GLIS3: variants seen among roughly 807,000 people sequenced by gnomAD.
GLIS3 encodes zinc finger protein GLIS3.
GLIS3 carries 53 observed loss-of-function variants against 78.6 expected under a neutral mutation model. That is an observed-to-expected ratio of 0.67 (90% confidence interval 0.54 to 0.85). GLIS3 has a LOEUF of 0.85. GLIS3 is among the 40% of genes least tolerant of loss of function. The pLI is 0.00. For synonymous variants in GLIS3, 684 were observed against 509.9 expected, an observed-to-expected ratio of 1.34 and a Z score of -4.60; for missense variants, 1,703 against 1,231.1, an observed-to-expected ratio of 1.38 and a Z score of -5.74.
intron 2 of GLIS3, among the ~76,000 whole-genome samples, chr9:4,346,283 T>C (rs989630977): frequency 2.0e-5 from 3 of 152,210 alleles, no homozygotes; most frequent in African/African-American, 7.2e-5. Context: ...CCTTTCTCTC[T>C]TGATGCAGCC....
chr9:4,023,477 T>C (rs1354682846), intron 4 of GLIS3, among the ~76,000 whole-genome samples: 1 of 152,186 alleles, frequency 6.6e-6, no homozygotes, highest in African/African-American at 2.4e-5. Flanking sequence ...CCTAAACATA[T>C]AAAGATTGCC....
At chr9:4,433,569 G>C in the GLIS3 span, among the ~76,000 whole-genome samples, 3 of 151,958 alleles carry the variant, frequency 2.0e-5, no homozygotes, top group African/African-American at 7.2e-5. Flanking sequence ...TCCGTTTTTT[G>C]CCAACTCATT....
At chr9:4,413,237 G>C in the GLIS3 span, among the ~76,000 whole-genome samples, 1 of 152,156 alleles carries the variant, frequency 6.6e-6, no homozygotes, top group Non-Finnish European at 1.5e-5. Context: ...TCCCAAATCA[G>C]GGTTGTTGGG....
intron 4 of GLIS3, among the ~76,000 whole-genome samples, chr9:3,937,588 C>T (rs1219310959): frequency 6.6e-6 from 1 of 151,672 alleles, no homozygotes; most frequent in Non-Finnish European, 1.5e-5. Flanking sequence ...TTTCTGACAA[C>T]TAATAAACTA....
chr9:4,109,373 G>T (rs1027448405), intron 4 of GLIS3, among the ~76,000 whole-genome samples: 1 of 152,138 alleles, frequency 6.6e-6, no homozygotes, highest in South Asian at 2.1e-4. Flanking sequence ...AAATAACTTT[G>T]GTCTCTAGTC....
chr9:4,237,515 T>C (rs1419909156), intron 2 of GLIS3, among the ~76,000 whole-genome samples: 1 of 152,242 alleles, frequency 6.6e-6, no homozygotes, highest in African/African-American at 2.4e-5. Context: ...CCCTAGGGCA[T>C]GGCTGAAAAT....
At chr9:3,888,170 C>T (rs1001049080) in intron 7 of GLIS3, among the ~76,000 whole-genome samples, 1 of 152,138 alleles carries the variant, frequency 6.6e-6, no homozygotes, top group African/African-American at 2.4e-5. Context: ...CCAATCACTC[C>T]TGGAAGTTCT....
At chr9:3,978,884 A>C (rs891384540) in intron 4 of GLIS3, among the ~76,000 whole-genome samples, 26 of 152,344 alleles carry the variant, frequency 1.7e-4, no homozygotes, top group African/African-American at 6.3e-4. Flanking sequence ...TTTTTTAAAA[A>C]TACAACGATA....
intron 4 of GLIS3, among the ~76,000 whole-genome samples, chr9:4,105,117 A>G (rs1444957919): frequency 6.6e-6 from 1 of 152,200 alleles, no homozygotes; most frequent in African/African-American, 2.4e-5. Flanking sequence ...CCTTATGAAG[A>G]CAATTTTATT....
At chr9:4,210,988 A>C (rs1381726206) in intron 2 of GLIS3, among the ~76,000 whole-genome samples, 1 of 152,160 alleles carries the variant, frequency 6.6e-6, no homozygotes, top group Non-Finnish European at 1.5e-5. Flanking sequence ...ATAAATTTGG[A>C]ATCTGTACCA....
At chr9:4,213,340 C>A (rs1291928709) in intron 2 of GLIS3, among the ~76,000 whole-genome samples, 1 of 152,138 alleles carries the variant, frequency 6.6e-6, no homozygotes, top group Non-Finnish European at 1.5e-5. Context: ...CCTAGATGCT[C>A]CCTTTAAAAC....
chr9:3,956,127 T>C (rs992921442), intron 4 of GLIS3, among the ~76,000 whole-genome samples: 2 of 152,072 alleles, frequency 1.3e-5, no homozygotes, highest in Admixed American at 1.3e-4. Context: ...CTCTTCTGGT[T>C]ACATTACCTA....
At chr9:4,429,252 A>T in the GLIS3 span, among the ~76,000 whole-genome samples, 1 of 152,110 alleles carries the variant, frequency 6.6e-6, no homozygotes, top group Non-Finnish European at 1.5e-5. Flanking sequence ...TATTCTTAAG[A>T]TGATAAAGTT....
intron 2 of GLIS3, among the ~76,000 whole-genome samples, chr9:4,274,200 C>A (rs955979187): frequency 6.6e-6 from 1 of 152,212 alleles, no homozygotes; most frequent in Non-Finnish European, 1.5e-5. Flanking sequence ...TGTTTCCCTA[C>A]AGCAATGCTT....
intron 4 of GLIS3, among the ~76,000 whole-genome samples, chr9:4,032,877 A>G (rs7044053): frequency 0.38 from 56,819 of 151,094 alleles, 10,877 homozygotes; most frequent in South Asian, 0.42. Context: ...TTCCTGAGAC[A>G]GAGTCTCGCT....
intron 2 of GLIS3, among the ~76,000 whole-genome samples, chr9:4,219,664 C>G (rs1292574828): frequency 6.6e-6 from 1 of 152,184 alleles, no homozygotes; most frequent in Non-Finnish European, 1.5e-5. Flanking sequence ...AAGGCGGTCA[C>G]TATTCTGAGC....
chr9:4,359,054 A>C, the GLIS3 span, among the ~76,000 whole-genome samples: 1 of 152,126 alleles, frequency 6.6e-6, no homozygotes, highest in Non-Finnish European at 1.5e-5. Flanking sequence ...AAGTTTCCTG[A>C]AAGGGAGGTT....
rs541063343 is a variant in GLIS3, at chr9:4,285,729, T to C, written c.388+309A>G. 4.7e-5 allele frequency: 18 copies of C among 384,106 alleles called. No individual in the cohort carries two copies. In the East Asian group the frequency reaches 8.9e-4, roughly 19 times the overall value. The allele number at this position is 384,106 out of a possible 1,614,324, so 23.8% of individuals were successfully genotyped here. A position where few individuals can be genotyped will look rare whatever the true frequency, so the allele number is the denominator to read the frequency against. ...TACCTGTATCCGGAGGGCATGATCT[T>C]GCTAACCTAGCTCTTACCCTTCCAC... On this transcript the variant is annotated intron_variant, in intron 2 of 10. Transcript: ENST00000381971.
At chr9:4,206,798 C>G (rs1480365450) in intron 2 of GLIS3, among the ~76,000 whole-genome samples, 1 of 151,766 alleles carries the variant, frequency 6.6e-6, no homozygotes, top group African/African-American at 2.4e-5. Flanking sequence ...AACTGTTTAA[C>G]TGTTTATTGA....
Sources: allele counts gnomAD v4.1 joint callset (sites outside exome capture counted in the v4.1 genomes callset), GRCh38; gene constraint gnomAD v4.1.1; transcripts MANE v1.5; gene names NCBI Gene and HGNC (gene_info 2026-07-23, HGNC 2026-07-21).